The following FAF1 variants were observed in gnomAD, a reference collection of about 807,000 sequenced individuals.
FAF1 encodes the protein FAS-associated factor 1.
A neutral mutation model predicts 92.5 loss-of-function variants in FAF1; 25 were observed. That is an observed-to-expected ratio of 0.27 (90% CI 0.20 to 0.38). The LOEUF is 0.38. FAF1 is among the 10% of genes least tolerant of loss of function. FAF1 has a pLI of 1.00. For synonymous variants in FAF1, 234 were observed against 273.2 expected (o/e 0.86, Z 1.42); for missense variants, 636 against 793.3 (o/e 0.80, Z 2.38).
chr1:50,744,749 C>T lies in FAF1; in HGVS notation c.394G>A (p.Glu132Lys). 6.2e-7 allele frequency: 1 copy of T among 1,607,582 alleles called. No homozygotes were observed. Among genetic ancestry groups the T allele is most frequent in the Non-Finnish European group, 8.5e-7 (1 of 1,175,938 alleles). The change falls in exon 5 of 19, where the codon GAA (glutamate) becomes AAA (lysine). Residue 132 changes from glutamate (E) to lysine (K), a missense_variant. Physicochemically the swap from Glu to Lys is moderately conservative, Grantham distance 56. Around this residue, in one of 2 missense-constraint regions of FAF1, gnomAD observed 317 missense variants for 342.4 expected, o/e 0.93. Transcript: ENST00000396153. ...ATTTTGGACACAGGTATCTGAAGTT[C>T]ATTTTCTAGAATCTGTTTAATCTCT... ...VGEIKQILENELQIPVSKMLL... is the reference protein window; with the variant it reads ...VGEIKQILENKLQIPVSKMLL...
intron 18 of FAF1, among the ~76,000 whole-genome samples, chr1:50,472,460 T>C (rs1280351467): frequency 6.8e-6 from 1 of 146,638 alleles, no homozygotes; most frequent in Non-Finnish European, 1.5e-5. Flanking sequence ...TTCCACAACT[T>C]GAATCAGTTT....
intron 4 of FAF1, among the ~76,000 whole-genome samples, chr1:50,757,555 T>C (rs1217332187): frequency 6.6e-6 from 1 of 152,234 alleles, no homozygotes; most frequent in African/African-American, 2.4e-5. Context: ...CATCCCATAC[T>C]AACATAGATC....
chr1:50,650,463 T>C (rs1011836371), intron 8 of FAF1, among the ~76,000 whole-genome samples: 11 of 150,400 alleles, frequency 7.3e-5, no homozygotes, highest in African/African-American at 2.7e-4. Flanking sequence ...CTACTAAAAA[T>C]ACAAAAATGA....
intron 4 of FAF1, among the ~76,000 whole-genome samples, chr1:50,787,236 G>A (rs1276596151): frequency 6.6e-6 from 1 of 152,148 alleles, no homozygotes; most frequent in African/African-American, 2.4e-5. Context: ...GAAAAGTGAT[G>A]GAAACATGTC....
At chr1:50,919,474 G>C (rs556460001) in intron 1 of FAF1, among the ~76,000 whole-genome samples, 4 of 152,088 alleles carry the variant, frequency 2.6e-5, no homozygotes, top group South Asian at 2.1e-4. Flanking sequence ...AGGCTGCCGG[G>C]GGGTAAATAG....
chr1:50,441,552 A>G, intron 18 of FAF1, 29 bp from the exon 19 acceptor site: 7 of 1,357,732 alleles, frequency 5.2e-6, no homozygotes, highest in Non-Finnish European at 7.2e-6. Context: ...CATATTCAAA[A>G]GACTGAAACA....
rs1444439207 is a variant in FAF1, at chr1:50,475,673, G to A, written c.1660C>T (p.Arg554Trp). The change falls in exon 18 of 19, where the codon CGG becomes TGG. Residue 554 changes from arginine (R) to tryptophan (W), a missense_variant. Coordinates refer to ENST00000396153, the MANE Select transcript of FAF1 (RefSeq NM_007051.3). ...KEQEEEREAI[R>W]LSLEQALPPE... ...GGCAGGGCTTGCTCTAAGGACAGCC[G>A]GATGGCCTAGGGAGAGCAAAAACCA... is the stretch of plus-strand genomic sequence containing the variant. The A allele has an allele frequency of 4.3e-6, 7 of 1,612,640 alleles. No homozygotes were observed. Among genetic ancestry groups the A allele is most frequent in the Non-Finnish European group, 5.9e-6 (7 of 1,179,160 alleles).
At chr1:50,716,795 GGA>G (rs1569825014) in intron 6 of FAF1, among the ~76,000 whole-genome samples, 1 of 152,322 alleles carries the variant, frequency 6.6e-6, no homozygotes, top group East Asian at 1.9e-4. Flanking sequence ...CCAACCAGCA[GGA>G]TGTGGGCAGA....
At chr1:50,552,303 A>G (rs1649348104) in intron 13 of FAF1, among the ~76,000 whole-genome samples, 1 of 151,864 alleles carries the variant, frequency 6.6e-6, no homozygotes, top group Non-Finnish European at 1.5e-5. Flanking sequence ...TTTCCAAAAA[A>G]AAAAAAAAAA....
At chr1:50,897,710 A>G (rs190061743) in intron 1 of FAF1, among the ~76,000 whole-genome samples, 2 of 152,348 alleles carry the variant, frequency 1.3e-5, no homozygotes, top group Admixed American at 1.3e-4. Flanking sequence ...CCATGCATCC[A>G]TACCATTCAA....
chr1:50,520,840 G>C (rs780813107), intron 15 of FAF1, among the ~76,000 whole-genome samples: 1 of 152,092 alleles, frequency 6.6e-6, no homozygotes, highest in Non-Finnish European at 1.5e-5. Flanking sequence ...GTGACACCCT[G>C]TCTCAAAAAA....
chr1:50,699,575 A>T (rs764442087), intron 7 of FAF1, among the ~76,000 whole-genome samples: 2 of 152,124 alleles, frequency 1.3e-5, no homozygotes, highest in Non-Finnish European at 2.9e-5. Flanking sequence ...TTATCCCTTT[A>T]GGTTCACACA....
intron 18 of FAF1, among the ~76,000 whole-genome samples, chr1:50,449,465 A>G (rs950631383): frequency 1.3e-5 from 2 of 149,520 alleles, no homozygotes; most frequent in African/African-American, 4.9e-5. Flanking sequence ...TTTACTTTGA[A>G]CTTGGGGGAA....
intron 8 of FAF1, among the ~76,000 whole-genome samples, chr1:50,653,949 T>C (rs1264295220): frequency 6.6e-6 from 1 of 152,180 alleles, no homozygotes; most frequent in African/African-American, 2.4e-5. Context: ...ATTACAGGTG[T>C]GAGTCACCGT....
chr1:50,641,666 G>A (rs1347632305), intron 8 of FAF1, among the ~76,000 whole-genome samples: 13 of 152,102 alleles, frequency 8.5e-5, no homozygotes. Context: ...CTATTATTGG[G>A]TGAAGTGTCT....
intron 8 of FAF1, among the ~76,000 whole-genome samples, chr1:50,653,043 G>T (rs946443651): frequency 2.0e-5 from 3 of 151,962 alleles, no homozygotes; most frequent in Admixed American, 1.3e-4. Context: ...ACAATACTGA[G>T]AACATTTCTG....
At chr1:50,686,224 A>G (rs1181069600) in intron 7 of FAF1, among the ~76,000 whole-genome samples, 1 of 152,180 alleles carries the variant, frequency 6.6e-6, no homozygotes, top group Non-Finnish European at 1.5e-5. Context: ...AGTCAGAAAC[A>G]GAGTAGAAAT....
chr1:50,858,052 A>T, intron 1 of FAF1, 55 bp from the exon 2 acceptor site: 3 of 1,263,424 alleles, frequency 2.4e-6, no homozygotes, highest in Non-Finnish European at 3.4e-6. Context: ...AGGGAGGTAA[A>T]TCAGACTTAA....
chr1:50,958,167 A>C (rs868578359), intron 1 of FAF1, among the ~76,000 whole-genome samples: 2 of 152,164 alleles, frequency 1.3e-5, no homozygotes, highest in Non-Finnish European at 2.9e-5. Context: ...AAAATTTTTT[A>C]AAATGTAGGC....
Sources: gnomAD v4.1 joint callset for allele counts (sites outside exome capture counted in the v4.1 genomes callset) on GRCh38, gnomAD v4.1.1 for gene constraint, gnomAD v4.1.1 regional missense constraint, MANE v1.5 for transcripts, NCBI Gene and HGNC (gene_info 2026-07-23, HGNC 2026-07-21) for gene names.